The following BABAM2 variants were observed in gnomAD, a reference collection of about 807,000 sequenced individuals.
The protein encoded by BABAM2 is BRISC and BRCA1-A complex member 2.
Under a neutral mutation model 54.7 loss-of-function variants are expected in BABAM2, and 31 were observed. That is an observed-to-expected ratio of 0.57 (90% confidence interval 0.43 to 0.77). The LOEUF (loss-of-function observed/expected upper bound fraction) is 0.77. BABAM2 is among the 30% of genes least tolerant of loss of function. The pLI is 0.00. For missense variants in BABAM2, 364 were observed against 455.8 expected, an observed-to-expected ratio of 0.80 and a Z score of 1.83; for synonymous variants, 167 against 162.9, an observed-to-expected ratio of 1.03 and a Z score of -0.19.
At chr2:28,085,188 A>G (rs1179453537) in intron 6 of BABAM2, among the ~76,000 whole-genome samples, 1 of 152,246 alleles carries the variant, frequency 6.6e-6, no homozygotes, top group Non-Finnish European at 1.5e-5. Context: ...GGGGATGAAT[A>G]GAACATTACT....
At position 28,183,739 on chromosome 2, in the gene BABAM2, T is replaced by TCTCACACACACACACACA. The variant is rs1553336494; in HGVS notation, c.681-53462_681-53461insTCACACACACACACACAC. On this transcript the variant is annotated intron_variant, in intron 7 of 11. Coordinates refer to ENST00000379624, the MANE Select transcript of BABAM2 (RefSeq NM_199191.3). ...ATTTTATGTTACTTTTGGATGAAGATCACACACACACACACACACACACAC... is the reference window on the plus strand; with the variant it reads ...ATTTTATGTTACTTTTGGATGAAGATCTCACACACACACACACACACACACACACACACACACACACAC... 1.6e-4 allele frequency among the ~76,000 whole-genome samples: 21 copies of TCTCACACACACACACACA among 133,218 alleles called. 1 individual carries two copies. Among genetic ancestry groups the TCTCACACACACACACACA allele is most frequent in the African/African-American group, 5.7e-4 (21 of 37,136 alleles). The allele number at this position is 133,218 out of a possible 152,430, so 87.4% of individuals were successfully genotyped here. A position where few individuals can be genotyped will look rare whatever the true frequency, so the allele number is the denominator to read the frequency against.
chr2:28,233,024 C>A (rs1163070060), intron 7 of BABAM2: 3 of 298,176 alleles, frequency 1.0e-5, no homozygotes, highest in Non-Finnish European at 2.1e-5. Context: ...TAATTTATAT[C>A]CACAGATTAA....
intron 10 of BABAM2, among the ~76,000 whole-genome samples, chr2:28,297,607 C>T (rs1440651496): frequency 6.6e-6 from 1 of 152,206 alleles, no homozygotes; most frequent in Non-Finnish European, 1.5e-5. Context: ...TTAGCCTGTA[C>T]TATCACAGCA....
intron 3 of BABAM2, among the ~76,000 whole-genome samples, chr2:27,977,368 A>G (rs1671676661): frequency 6.6e-6 from 1 of 152,222 alleles, no homozygotes; most frequent in African/African-American, 2.4e-5. Context: ...ATCTAAGAAT[A>G]TCATGATGGA....
At chr2:28,295,416 C>CT (rs1256235581) in intron 10 of BABAM2, among the ~76,000 whole-genome samples, 1 of 152,008 alleles carries the variant, frequency 6.6e-6, no homozygotes, top group East Asian at 1.9e-4. Context: ...GTAATGATTG[C>CT]TTTGGAGGTT....
At chr2:28,218,735 T>C (rs1160176821) in intron 7 of BABAM2, among the ~76,000 whole-genome samples, 1 of 152,216 alleles carries the variant, frequency 6.6e-6, no homozygotes, top group African/African-American at 2.4e-5. Flanking sequence ...GTAAATGTCT[T>C]CCTCAGACTT....
intron 3 of BABAM2, among the ~76,000 whole-genome samples, chr2:27,963,463 CT>C (rs1670615570): frequency 4.2e-5 from 4 of 95,148 alleles, no homozygotes; most frequent in Admixed American, 1.5e-4. Context: ...GAGAAAGACT[CT>C]TTCTCAAAAA....
intron 11 of BABAM2, among the ~76,000 whole-genome samples, chr2:28,323,065 C>A (rs1175645846): frequency 1.3e-5 from 2 of 152,198 alleles, no homozygotes; most frequent in Admixed American, 1.3e-4. Context: ...CAGAGCCCCC[C>A]ACTCTCATCC....
Position 28,258,674 on chromosome 2 carries a change from C to A in BABAM2, c.934+13812C>A, listed in dbSNP as rs566869224. ...TGTCACCCAGGCTGTAGTGCAGTGG[C>A]GCCATCAGGCTCATTGCAGCCTCTA... On this transcript the variant is annotated intron_variant, in intron 10 of 11. Coordinates refer to ENST00000379624, the MANE Select transcript of BABAM2 (RefSeq NM_199191.3). Among the ~76,000 whole-genome samples, 5 of 128,398 alleles carry A rather than the reference C, an allele frequency of 3.9e-5. No homozygotes were observed. In the East Asian group the frequency reaches 1.3e-3, roughly 32 times the overall value. The allele number at this position is 128,398 out of a possible 152,430, so 84.2% of individuals were successfully genotyped here. A position where few individuals can be genotyped will look rare whatever the true frequency, so the allele number is the denominator to read the frequency against.
At chr2:28,150,944 T>C (rs190545778) in intron 7 of BABAM2, among the ~76,000 whole-genome samples, 3 of 152,266 alleles carry the variant, frequency 2.0e-5, no homozygotes, top group African/African-American at 7.2e-5. Flanking sequence ...TTGCCAATGA[T>C]AGTTTGATAG....
intron 6 of BABAM2, among the ~76,000 whole-genome samples, chr2:28,066,125 C>G (rs561349994): frequency 7.7e-4 from 116 of 150,948 alleles, no homozygotes; most frequent in African/African-American, 2.7e-3. Flanking sequence ...CGCCACTGCA[C>G]TCCAGCCTAG....
chr2:28,006,852 G>A (rs906153707), intron 4 of BABAM2, among the ~76,000 whole-genome samples: 1 of 151,916 alleles, frequency 6.6e-6, no homozygotes, highest in Non-Finnish European at 1.5e-5. Flanking sequence ...AATGTTAGGT[G>A]TCATATATAA....
intron 11 of BABAM2, among the ~76,000 whole-genome samples, chr2:28,328,253 G>A (rs1690652575): frequency 6.6e-6 from 1 of 152,138 alleles, no homozygotes; most frequent in African/African-American, 2.4e-5. Context: ...ATGATTAGCA[G>A]GACTTGTCTT....
At chr2:28,194,575 C>CT (rs10684650) in intron 7 of BABAM2, among the ~76,000 whole-genome samples, 36,496 of 99,090 alleles carry the variant, frequency 0.37, 9,382 homozygotes, top group East Asian at 0.59. Flanking sequence ...ACAACGTAGA[C>CT]TTTTTTTTTT....
chr2:28,005,599 CTTCT>C (rs1481266062), intron 4 of BABAM2, among the ~76,000 whole-genome samples: 1 of 151,974 alleles, frequency 6.6e-6, no homozygotes, highest in Non-Finnish European at 1.5e-5. Context: ...AATTGCATAC[CTTCT>C]TTAACTTTTA....
intron 7 of BABAM2, among the ~76,000 whole-genome samples, chr2:28,187,072 T>A (rs911479757): frequency 2.0e-5 from 3 of 152,210 alleles, no homozygotes; most frequent in Non-Finnish European, 4.4e-5. Context: ...CCCAAAGTAC[T>A]GGGATTGCAG....
chr2:28,323,209 G>A (rs1690177975), intron 11 of BABAM2, among the ~76,000 whole-genome samples: 1 of 152,218 alleles, frequency 6.6e-6, no homozygotes, highest in Admixed American at 6.5e-5. Flanking sequence ...TGGCCCATGA[G>A]TGTGTGAATA....
chr2:28,312,115 G>C (rs1453815880), intron 11 of BABAM2, among the ~76,000 whole-genome samples: 1 of 152,196 alleles, frequency 6.6e-6, no homozygotes, highest in Non-Finnish European at 1.5e-5. Flanking sequence ...GGAGGGCCAA[G>C]CCGCTTGTTT....
chr2:28,175,792 A>G (rs1674862446), intron 7 of BABAM2, among the ~76,000 whole-genome samples: 1 of 152,126 alleles, frequency 6.6e-6, no homozygotes, highest in Non-Finnish European at 1.5e-5. Flanking sequence ...GCCCACTTGG[A>G]CTCACTAATG....
Sources: gnomAD v4.1 joint callset for allele counts (sites outside exome capture counted in the v4.1 genomes callset) on GRCh38, gnomAD v4.1.1 for gene constraint, MANE v1.5 for transcripts, NCBI Gene and HGNC (gene_info 2026-07-23, HGNC 2026-07-21) for gene names.